Variants in CPSF2 observed in about 807,000 individuals in gnomAD.
CPSF2 encodes cleavage and polyadenylation specificity factor subunit 2.
CPSF2 carries 51 observed loss-of-function variants against 84.2 expected under a neutral mutation model. The observed-to-expected ratio is 0.61, with a 90% CI of 0.48 to 0.77. The LOEUF (loss-of-function observed/expected upper bound fraction) is 0.77. CPSF2 is among the 30% of genes least tolerant of loss of function. The pLI is 0.00. For synonymous variants in CPSF2, 286 were observed against 311.9 expected (o/e 0.92, Z 0.87); for missense variants, 641 against 929.4 (o/e 0.69, Z 4.03).
intron 15 of CPSF2, 53 bp downstream of exon 15, chr14:92,161,299 T>C (rs958528029): frequency 3.3e-6 from 5 of 1,531,270 alleles, no homozygotes; most frequent in Non-Finnish European, 4.4e-6. Context: ...TGATGTTTTG[T>C]CATTTTGAAA....
intron 3 of CPSF2, among the ~76,000 whole-genome samples, chr14:92,132,177 C>T (rs1037069922): frequency 6.6e-6 from 1 of 151,804 alleles, no homozygotes; most frequent in African/African-American, 2.4e-5. Context: ...TTCTGTTGCC[C>T]AAGCTGGAGT....
chr14:92,141,489 C>T (rs990676397), intron 7 of CPSF2, among the ~76,000 whole-genome samples: 9 of 152,026 alleles, frequency 5.9e-5, no homozygotes, highest in Non-Finnish European at 8.8e-5. Context: ...CCACCATGCC[C>T]GGCTAATTTG....
Position 92,157,325 on chromosome 14 carries a change from T to C in CPSF2, c.1596-334T>C, listed in dbSNP as rs1247175445. On this transcript the variant is annotated intron_variant, in intron 12 of 15. Transcript: ENST00000298875. The surrounding 1 kb of genome is among the most constrained non-coding windows in gnomAD (Gnocchi z 4.0). ...GAGTTTGAGACCAGCCTGGCCAACATGGTGAAATCTCATCTCTACTGAAAA... is the reference window on the plus strand; with the variant it reads ...GAGTTTGAGACCAGCCTGGCCAACACGGTGAAATCTCATCTCTACTGAAAA... Among the ~76,000 whole-genome samples, 2 of 152,066 alleles carry C rather than the reference T, an allele frequency of 1.3e-5. No individual in the cohort carries two copies. Among genetic ancestry groups the C allele is most frequent in the Non-Finnish European group, 2.9e-5 (2 of 68,012 alleles).
chr14:92,169,422 T>A lies in CPSF2; in HGVS notation c.*7678T>A, dbSNP rs1331344887. 4.1e-5 allele frequency: 4 copies of A among 97,710 alleles called. No individual in the cohort carries two copies. The East Asian group carries it at 1.5e-3, about 37-fold the overall frequency. The allele number at this position is 97,710 out of a possible 1,614,324, so 6.1% of individuals were successfully genotyped here. ...ACATTAACTATTTAATATCAGACTA[T>A]AACTAAAATACAAGTAGTGGAATTA... On this transcript the variant is annotated 3_prime_UTR_variant, in exon 16 of 16. Transcript: ENST00000298875.
chr14:92,156,748 C>CTT, intron 12 of CPSF2, 117 bp downstream of exon 12: 1 of 605,756 alleles, frequency 1.7e-6, no homozygotes, highest in Non-Finnish European at 2.4e-6. Flanking sequence ...TAAGTTTGTG[C>CTT]TTTTAAAATT....
intron 6 of CPSF2, among the ~76,000 whole-genome samples, chr14:92,137,429 G>A (rs1022969286): frequency 2.6e-5 from 4 of 152,134 alleles, no homozygotes; most frequent in Admixed American, 1.3e-4. Flanking sequence ...GGCTGGTCTT[G>A]AACTACTGGG....
intron 1 of CPSF2, among the ~76,000 whole-genome samples, chr14:92,122,715 G>A (rs1269640767): frequency 2.6e-5 from 4 of 151,766 alleles, no homozygotes; most frequent in Admixed American, 2.6e-4. Context: ...ACTATTTTAC[G>A]TGCTCTTTAG....
At chr14:92,148,310 T>G (rs75279326) in intron 9 of CPSF2, among the ~76,000 whole-genome samples, 2,716 of 152,288 alleles carry the variant, frequency 0.018, 92 homozygotes, top group African/African-American at 0.062. Context: ...CTGAACCATT[T>G]GAAGAAAAAT....
Position 92,163,847 on chromosome 14 carries a change from C to T in CPSF2, c.*2103C>T, listed in dbSNP as rs1595071071. 2 of 152,726 alleles carry T rather than the reference C, an allele frequency of 1.3e-5. No homozygotes were observed. The highest frequency in any genetic ancestry group is 4.8e-5 in the African/African-American group (2 of 41,448). 9.5% of individuals were successfully genotyped at this position (152,726 alleles called of 1,614,324 possible). ...CTGGGTTCAAGCGATTCTCCTGCCT[C>T]AGCATCTCGAGTAGCTGGGATTACA... On this transcript the variant is annotated 3_prime_UTR_variant, in exon 16 of 16. Coordinates refer to ENST00000298875, the MANE Select transcript of CPSF2 (RefSeq NM_017437.3).
At chr14:92,124,238 A>G (rs1389425493) in intron 1 of CPSF2, among the ~76,000 whole-genome samples, 3 of 152,214 alleles carry the variant, frequency 2.0e-5, no homozygotes, top group African/African-American at 7.2e-5. Flanking sequence ...GTTACCAGGA[A>G]TCCAGTGGAT....
Position 92,148,211 on chromosome 14 carries a change from A to G in CPSF2, c.1140+4917A>G, listed in dbSNP as rs2069167238. On this transcript the variant is annotated intron_variant, in intron 9 of 15. Transcript: ENST00000298875. ...AAAAAATTTCAAACAGGAAAGTTAC[A>G]AAAATATTATACCCAGATTCCCCAA... Among the ~76,000 whole-genome samples the G allele has an allele frequency of 1.3e-5, 2 of 152,318 alleles. 1 individual carries two copies. Among genetic ancestry groups the G allele is most frequent in the South Asian group, 4.1e-4 (2 of 4,826 alleles).
intron 9 of CPSF2, among the ~76,000 whole-genome samples, chr14:92,144,601 T>C (rs1177448690): frequency 2.6e-5 from 4 of 152,228 alleles, no homozygotes; most frequent in Non-Finnish European, 4.4e-5. Context: ...ACACTTCTGT[T>C]TTAGTTGCCT....
intron 9 of CPSF2, among the ~76,000 whole-genome samples, chr14:92,150,002 TA>T (rs1338536886): frequency 6.6e-6 from 1 of 152,176 alleles, no homozygotes; most frequent in Non-Finnish European, 1.5e-5. Flanking sequence ...TGGGAAGTAT[TA>T]ATAAAGAATT....
At chr14:92,126,031 T>C (rs2141448390) in intron 1 of CPSF2, 91 bp from the exon 2 acceptor site, 1 of 152,362 alleles carries the variant, frequency 6.6e-6, no homozygotes, top group South Asian at 2.1e-4. Context: ...CTGCTCCTGA[T>C]GCCTTAGGGC....
chr14:92,128,840 A>G (rs1195389643), intron 2 of CPSF2, among the ~76,000 whole-genome samples: 1 of 152,198 alleles, frequency 6.6e-6, no homozygotes, highest in Non-Finnish European at 1.5e-5. Flanking sequence ...GATAAGGTCT[A>G]GGGTGTAATC....
Position 92,142,155 on chromosome 14 carries a change from G to C in CPSF2, c.662-9G>C, listed in dbSNP as rs761750493. ...CGTTCTATGGGGATTTTACATTCTTGTTTTCTAGCAAATGTCCTGGAAACA... is the reference window on the plus strand; with the variant it reads ...CGTTCTATGGGGATTTTACATTCTTCTTTTCTAGCAAATGTCCTGGAAACA... On this transcript the variant is annotated splice_polypyrimidine_tract_variant and intron_variant, in intron 7 of 15. Coordinates refer to ENST00000298875, the MANE Select transcript of CPSF2 (RefSeq NM_017437.3). 30 of 1,583,604 alleles carry C rather than the reference G, an allele frequency of 1.9e-5. No homozygotes were observed. The highest frequency in any genetic ancestry group is 2.6e-5 in the Non-Finnish European group (30 of 1,161,064).
intron 13 of CPSF2, 127 bp downstream of exon 13, chr14:92,158,011 A>G (rs1041401754): frequency 1.7e-4 from 111 of 669,008 alleles, no homozygotes; most frequent in Admixed American, 7.0e-4. Context: ...AGCAGACCTC[A>G]TAGGGTATGG....
In CPSF2 at chr14:92,143,839, T is replaced by C. The variant is rs150228980; in HGVS notation, c.1140+545T>C. On this transcript the variant is annotated intron_variant, in intron 9 of 15. Transcript: ENST00000298875. ...TTGCCATGGGTGGTCTCAAAAGAAA[T>C]TCTCATTCTTAAACTTTTCCGTGGT... Among the ~76,000 whole-genome samples the C allele has an allele frequency of 1.5e-3, 229 of 152,200 alleles. 2 individuals are homozygous for C. The highest frequency in any genetic ancestry group is 5.3e-3 in the African/African-American group (219 of 41,530).
At chr14:92,143,736 G>T (rs1178021324) in intron 9 of CPSF2, among the ~76,000 whole-genome samples, 1 of 152,098 alleles carries the variant, frequency 6.6e-6, no homozygotes, top group East Asian at 1.9e-4. Flanking sequence ...CTCCTAAGTA[G>T]CTGGAACCAT....
Sources: gnomAD v4.1 joint callset for allele counts (sites outside exome capture counted in the v4.1 genomes callset) on GRCh38, gnomAD v4.1.1 for gene constraint, Gnocchi (gnomAD v3.1) non-coding constraint, MANE v1.5 for transcripts, NCBI Gene and HGNC (gene_info 2026-07-23, HGNC 2026-07-21) for gene names.